The following RPS6KA5 variants were observed in gnomAD, a reference collection of about 807,000 sequenced individuals.
The protein encoded by RPS6KA5 is ribosomal protein S6 kinase alpha-5.
A neutral mutation model predicts 85.5 loss-of-function variants in RPS6KA5; 27 were observed. The ratio of observed to expected loss-of-function variants is 0.32; its 90% confidence interval spans 0.23 to 0.44. The LOEUF is 0.44. Among genes scored for constraint, RPS6KA5 ranks in the 20% least tolerant of loss-of-function variants. RPS6KA5 has a pLI of 1.00. For missense variants in RPS6KA5, 811 were observed against 980.9 expected (o/e 0.83, Z 2.31); for synonymous variants, 334 against 348.2 (o/e 0.96, Z 0.46).
chr14:91,046,917 T>A (rs1033617856), intron 1 of RPS6KA5, among the ~76,000 whole-genome samples: 5 of 152,064 alleles, frequency 3.3e-5, no homozygotes, highest in Admixed American at 6.6e-5. Context: ...GGCTTACGCC[T>A]GTAATCGCAG....
chr14:90,953,902 C>T (rs895105787), intron 3 of RPS6KA5, among the ~76,000 whole-genome samples: 12 of 152,236 alleles, frequency 7.9e-5, no homozygotes, highest in African/African-American at 2.9e-4. Context: ...AGACCCTTAT[C>T]AGTAGTTCTG....
intron 2 of RPS6KA5, among the ~76,000 whole-genome samples, chr14:90,992,663 G>A (rs974400999): frequency 1.3e-5 from 2 of 152,160 alleles, no homozygotes; most frequent in Non-Finnish European, 2.9e-5. Flanking sequence ...CCCTTTTCCT[G>A]TTTTCTGAAA....
chr14:91,003,071 T>A (rs1031958558), intron 1 of RPS6KA5, among the ~76,000 whole-genome samples: 2 of 152,176 alleles, frequency 1.3e-5, no homozygotes, highest in African/African-American at 4.8e-5. Context: ...ATGATTTGGC[T>A]CTCTTCTAAT....
At chr14:91,013,959 T>G (rs919252733) in intron 1 of RPS6KA5, among the ~76,000 whole-genome samples, 2 of 152,212 alleles carry the variant, frequency 1.3e-5, no homozygotes, top group African/African-American at 4.8e-5. Context: ...GTACTAAAAT[T>G]AATCTATTCT....
intron 3 of RPS6KA5, among the ~76,000 whole-genome samples, chr14:90,974,604 T>C (rs1791200151): frequency 6.6e-6 from 1 of 152,218 alleles, no homozygotes; most frequent in South Asian, 2.1e-4. Context: ...CAGTAGTTGC[T>C]AGCTGCCCTG....
chr14:91,050,096 T>C (rs2043013993), intron 1 of RPS6KA5, among the ~76,000 whole-genome samples: 1 of 152,186 alleles, frequency 6.6e-6, no homozygotes, highest in African/African-American at 2.4e-5. Context: ...CTGAAATCTT[T>C]CAAAGTTTCT....
chr14:91,027,651 T>G (rs1348154388), intron 1 of RPS6KA5, among the ~76,000 whole-genome samples: 1 of 152,226 alleles, frequency 6.6e-6, no homozygotes, highest in Admixed American at 6.5e-5. Flanking sequence ...TTCTCCCTCA[T>G]TCTGCATGTC....
In RPS6KA5 at chr14:90,911,968, C is replaced by T. The variant is rs1211697446; in HGVS notation, c.807-5669G>A. Among the ~76,000 whole-genome samples, 2 of 152,138 alleles carry T rather than the reference C, an allele frequency of 1.3e-5. 1 individual carries two copies. The highest frequency in any genetic ancestry group is 2.9e-5 in the Non-Finnish European group (2 of 68,030). ...GCAAGGAGGCAATGGAGTCCTGAAC[C>T]TCCCATGTGCCACTGGGGGTACTTC... On this transcript the variant is annotated intron_variant, in intron 7 of 16. Coordinates refer to ENST00000614987, the MANE Select transcript of RPS6KA5 (RefSeq NM_004755.4).
intron 5 of RPS6KA5, among the ~76,000 whole-genome samples, chr14:90,924,906 G>A (rs2036579117): frequency 6.6e-6 from 1 of 152,164 alleles, no homozygotes; most frequent in Admixed American, 6.5e-5. Flanking sequence ...ATTTGCCAAT[G>A]TTTTGTCCTA....
chr14:90,967,596 G>A (rs189114104), intron 3 of RPS6KA5, among the ~76,000 whole-genome samples: 3 of 152,086 alleles, frequency 2.0e-5, no homozygotes, highest in African/African-American at 7.2e-5. Context: ...TACTACCAGG[G>A]TCTAATTACT....
chr14:90,978,817 A>G (rs1036091269), intron 2 of RPS6KA5, among the ~76,000 whole-genome samples: 1 of 152,176 alleles, frequency 6.6e-6, no homozygotes, highest in Non-Finnish European at 1.5e-5. Context: ...AGCTGTTATT[A>G]CGGTCAACTA....
intron 3 of RPS6KA5, among the ~76,000 whole-genome samples, chr14:90,977,542 G>A (rs1413807367): frequency 6.6e-6 from 1 of 152,222 alleles, no homozygotes; most frequent in Non-Finnish European, 1.5e-5. Context: ...CACCAGGAAT[G>A]CAAAGCATCT....
intron 7 of RPS6KA5, among the ~76,000 whole-genome samples, chr14:90,906,588 G>A (rs2035517823): frequency 6.6e-6 from 1 of 152,108 alleles, no homozygotes; most frequent in Admixed American, 6.5e-5. Flanking sequence ...GGGAAAAACG[G>A]AAAAGCCTGG....
chr14:90,969,282 C>T (rs2039213954), intron 3 of RPS6KA5, among the ~76,000 whole-genome samples: 1 of 152,132 alleles, frequency 6.6e-6, no homozygotes, highest in Admixed American at 6.6e-5. Flanking sequence ...ACGTGCTCTC[C>T]ATCAAAATTC....
chr14:90,906,470 A>G (rs1015731671), intron 7 of RPS6KA5, among the ~76,000 whole-genome samples, 171 bp from the exon 8 acceptor site: 1 of 152,232 alleles, frequency 6.6e-6, no homozygotes, highest in Non-Finnish European at 1.5e-5. Context: ...GAGATACCAT[A>G]AAGTCAAATT....
chr14:91,000,495 T>C (rs552948175), intron 2 of RPS6KA5, among the ~76,000 whole-genome samples: 8 of 152,290 alleles, frequency 5.3e-5, no homozygotes, highest in African/African-American at 1.9e-4. Context: ...TGTTAGTGAT[T>C]TTTTAAAATA....
At chr14:91,030,854 C>A (rs2139837973) in intron 1 of RPS6KA5, among the ~76,000 whole-genome samples, 1 of 151,196 alleles carries the variant, frequency 6.6e-6, no homozygotes, top group African/African-American at 2.4e-5. Context: ...AAGAAAGAGA[C>A]CAAATGTAAA....
chr14:90,930,483 C>T (rs190037180), intron 5 of RPS6KA5, among the ~76,000 whole-genome samples: 4 of 151,970 alleles, frequency 2.6e-5, no homozygotes, highest in South Asian at 2.1e-4. Context: ...GATCTGGCAA[C>T]GATTTCTTAG....
chr14:91,004,926 C>T (rs550608831), intron 1 of RPS6KA5, among the ~76,000 whole-genome samples: 4 of 151,378 alleles, frequency 2.6e-5, no homozygotes, highest in South Asian at 2.1e-4. Context: ...CAAGATCGCG[C>T]GCCACTGCAC....
Sources: allele counts gnomAD v4.1 joint callset (sites outside exome capture counted in the v4.1 genomes callset), GRCh38; gene constraint gnomAD v4.1.1; transcripts MANE v1.5; gene names NCBI Gene and HGNC (gene_info 2026-07-23, HGNC 2026-07-21).